DYNC2H1: variants seen among roughly 807,000 people sequenced by gnomAD.
DYNC2H1 encodes cytoplasmic dynein 2 heavy chain 1.
Under a neutral mutation model 570.0 loss-of-function variants are expected in DYNC2H1, and 410 were observed. The ratio of observed to expected loss-of-function variants is 0.72; its 90% CI spans 0.66 to 0.78. The LOEUF is 0.78. Ranked by LOEUF, DYNC2H1 falls within the 30% of genes least tolerant of loss-of-function variation. The probability of loss-of-function intolerance (pLI) is 0.00; values close to 1 mark genes in which losing one functional copy is unlikely to be tolerated. For missense variants in DYNC2H1, 4,865 were observed against 5,046.4 expected (o/e 0.96, Z 1.09); for synonymous variants, 1,688 against 1,677.6 (o/e 1.01, Z -0.15).
At chr11:103,276,523 G>T (rs559220194) in intron 70 of DYNC2H1, among the ~76,000 whole-genome samples, 1 of 151,720 alleles carries the variant, frequency 6.6e-6, no homozygotes, top group South Asian at 2.1e-4. Context: ...TTTAAAAAAC[G>T]CAAATGATAC....
intron 75 of DYNC2H1, among the ~76,000 whole-genome samples, chr11:103,290,437 C>A (rs1019551391): frequency 6.6e-6 from 1 of 152,160 alleles, no homozygotes; most frequent in Non-Finnish European, 1.5e-5. Context: ...TACCAGATAA[C>A]TTTTACTCAT....
chr11:103,198,153 G>A (rs1862574871), intron 48 of DYNC2H1, 90 bp downstream of exon 48: 1 of 1,394,248 alleles, frequency 7.2e-7, no homozygotes, highest in Non-Finnish European at 9.7e-7. Context: ...GCATGAATAT[G>A]ATAGATTGTA....
intron 63 of DYNC2H1, among the ~76,000 whole-genome samples, chr11:103,237,767 T>C (rs1864276608): frequency 6.6e-6 from 1 of 152,088 alleles, no homozygotes; most frequent in East Asian, 1.9e-4. Context: ...AATTCTTTTT[T>C]ATTCCATAAG....
chr11:103,191,858 C>T (rs184971479), intron 46 of DYNC2H1, among the ~76,000 whole-genome samples: 1 of 151,922 alleles, frequency 6.6e-6, no homozygotes, highest in Non-Finnish European at 1.5e-5. Context: ...ATTTAGTATA[C>T]TTTCTGGAAT....
chr11:103,346,510 C>T (rs1042608954), intron 82 of DYNC2H1, among the ~76,000 whole-genome samples: 2 of 152,016 alleles, frequency 1.3e-5, no homozygotes, highest in Non-Finnish European at 2.9e-5. Flanking sequence ...GTTCTAAGAC[C>T]GTTAGACAAA....
chr11:103,340,600 C>A (rs902557562), intron 82 of DYNC2H1, among the ~76,000 whole-genome samples: 3 of 152,076 alleles, frequency 2.0e-5, no homozygotes, highest in Non-Finnish European at 2.9e-5. Flanking sequence ...ATTCAAAGGC[C>A]TGTCACATTT....
Position 103,312,737 on chromosome 11 carries a change from A to T in DYNC2H1, c.11649+704A>T, listed in dbSNP as rs192050776. ...ATTAAAGTATTAAGAACAATTTGTGACCCATTATAAGCCCTCAATGAGTGT... is the reference window on the plus strand; with the variant it reads ...ATTAAAGTATTAAGAACAATTTGTGTCCCATTATAAGCCCTCAATGAGTGT... On this transcript the variant is annotated intron_variant, in intron 79 of 88. Coordinates refer to ENST00000375735, the MANE Select transcript of DYNC2H1 (RefSeq NM_001377.3). Among the ~76,000 whole-genome samples the T allele has an allele frequency of 9.7e-4, 148 of 152,178 alleles. No homozygotes were observed. The Middle Eastern group carries it at 0.014, about 14-fold the overall frequency.
intron 86 of DYNC2H1, among the ~76,000 whole-genome samples, chr11:103,455,551 C>T (rs1944759446): frequency 6.6e-6 from 1 of 152,022 alleles, no homozygotes; most frequent in Non-Finnish European, 1.5e-5. Flanking sequence ...TTTATCTATA[C>T]CTGTGCTGTC....
At chr11:103,474,459 G>A (rs1186481406) in intron 88 of DYNC2H1, among the ~76,000 whole-genome samples, 1 of 152,088 alleles carries the variant, frequency 6.6e-6, no homozygotes, top group Non-Finnish European at 1.5e-5. Flanking sequence ...AAATTTAATT[G>A]AAATTGGCCA....
chr11:103,114,385 G>C (rs1358848909), intron 3 of DYNC2H1, 147 bp downstream of exon 3: 4 of 968,144 alleles, frequency 4.1e-6, no homozygotes, highest in Non-Finnish European at 5.8e-6. Context: ...GATTTATGTG[G>C]ATGTAGAGAA....
chr11:103,133,492 A>G lies in DYNC2H1; in HGVS notation c.1954-63A>G. 1 of 1,476,342 alleles carries G rather than the reference A, an allele frequency of 6.8e-7. No individual in the cohort carries two copies. The highest frequency in any genetic ancestry group is 9.1e-7 in the Non-Finnish European group (1 of 1,098,664). The allele number at this position is 1,476,342 out of a possible 1,614,324, so 91.5% of individuals were successfully genotyped here. ...GGGATAGTTGAACTTTTGATATAGA[A>G]TATTGAAACTTTTGGAAAAAAGAAA... On this transcript the variant is annotated intron_variant, in intron 13 of 88. Transcript: ENST00000375735. This position sits in a 1 kb window ranked among gnomAD's most constrained non-coding sequence, Gnocchi z 4.8.
rs1321539414 is a variant in DYNC2H1 at position 103,244,375 on chromosome 11, AT to A, written c.9918+585del. On this transcript the variant is annotated intron_variant, in intron 64 of 88. Coordinates refer to ENST00000375735, the MANE Select transcript of DYNC2H1 (RefSeq NM_001377.3). The surrounding 1 kb of genome is among the most constrained non-coding windows in gnomAD (Gnocchi z 4.3). ...TATTATTTTGTTAAAGGAAGACCTAATATATGATTAATTTTCATAGATAATT... is the reference window on the plus strand; with the variant it reads ...TATTATTTTGTTAAAGGAAGACCTAAATATGATTAATTTTCATAGATAATT... 1.3e-5 allele frequency among the ~76,000 whole-genome samples: 2 copies of A among 151,912 alleles called. No homozygotes were observed. The highest frequency in any genetic ancestry group is 2.9e-5 in the Non-Finnish European group (2 of 67,906).
Position 103,468,652 on chromosome 11 carries a change from G to C in DYNC2H1, c.12712G>C (p.Asp4238His). The C allele has an allele frequency of 6.2e-7, 1 of 1,613,756 alleles. No individual in the cohort carries two copies. The highest frequency in any genetic ancestry group is 8.5e-7 in the Non-Finnish European group (1 of 1,179,742). ...AAATCAACTTTCTGAAAATCAGCTT[G>C]ATTCTCCCAGCGTGTCATCAGTGCT... ...DGNQLSENQL[D>H]SPSVSSVLPC... The change falls in exon 88 of 89, where the codon GAT becomes CAT. Residue 4238 changes from aspartate (D) to histidine (H), a missense_variant. Asp to His is a moderately conservative substitution (Grantham distance 81). Coordinates refer to ENST00000375735, the MANE Select transcript of DYNC2H1 (RefSeq NM_001377.3).
At chr11:103,165,256 T>A (rs1018881214) in intron 30 of DYNC2H1, among the ~76,000 whole-genome samples, 4 of 152,132 alleles carry the variant, frequency 2.6e-5, no homozygotes, top group African/African-American at 9.7e-5. Context: ...GCCTCCTAAG[T>A]AGCTAGAATT....
At chr11:103,159,141 T>A in intron 28 of DYNC2H1, 114 bp downstream of exon 28, 1 of 739,718 alleles carries the variant, frequency 1.4e-6, no homozygotes, top group Non-Finnish European at 2.2e-6. Context: ...TATACCCAAA[T>A]ACAGTTCCTG....
chr11:103,141,487 G>C (rs1859925926), intron 17 of DYNC2H1, among the ~76,000 whole-genome samples: 1 of 152,178 alleles, frequency 6.6e-6, no homozygotes, highest in Admixed American at 6.5e-5. Flanking sequence ...CTGTTTGCCT[G>C]GGTATCAGCA....
At position 103,209,878 on chromosome 11, in the gene DYNC2H1, A is replaced by G. The variant is rs1060501431; in HGVS notation, c.8457A>G (p.Ile2819Met). ...GTGATATTCTTTTTATGTTTTAGAT[A>G]CCTGAAATGTTATTCAGTGAAACAG... ...EGWSNSSMKK[I>M]PEMLFSETGG... The change falls in exon 53 of 89, where the codon ATA (isoleucine) becomes ATG (methionine). Residue 2819 changes from isoleucine to methionine, a missense_variant and splice_region_variant. Ile to Met is a conservative substitution (Grantham distance 10). Transcript: ENST00000375735. The surrounding 1 kb of genome is among the most constrained non-coding windows in gnomAD (Gnocchi z 4.2). 11 of 1,478,358 alleles carry G rather than the reference A, an allele frequency of 7.4e-6. No individual in the cohort carries two copies. Among genetic ancestry groups the G allele is most frequent in the Non-Finnish European group, 9.9e-6 (11 of 1,112,720 alleles). 91.6% of individuals were successfully genotyped at this position (1,478,358 alleles called of 1,614,324 possible). A position where few individuals can be genotyped will look rare whatever the true frequency, so the allele number is the denominator to read the frequency against.
In DYNC2H1 at chr11:103,177,199, TGGAGA is replaced by T. The variant is rs1183483467; in HGVS notation, c.5875-355_5875-351del. ...AAAATTAGCACTTTGCCCTCAGTTT[TGGAGA>T]GAAGTAAGATAAGAATGAATGAATG... On this transcript the variant is annotated intron_variant, in intron 37 of 88. Transcript: ENST00000375735. The surrounding 1 kb of genome is among the most constrained non-coding windows in gnomAD (Gnocchi z 4.4). Among the ~76,000 whole-genome samples, 1 of 152,104 alleles carries T rather than the reference TGGAGA, an allele frequency of 6.6e-6. No homozygotes were observed. Among genetic ancestry groups the T allele is most frequent in the African/African-American group, 2.4e-5 (1 of 41,414 alleles).
Position 103,399,885 on chromosome 11 carries a change from T to TA in DYNC2H1, c.12366+15dup, listed in dbSNP as rs772094595. The TA allele has an allele frequency of 4.3e-5, 68 of 1,594,226 alleles. No homozygotes were observed. The African/African-American group carries it at 8.3e-4, about 20-fold the overall frequency. ...ATTAAACCAAAAGGTAAGCGAGTAC[T>TA]AACTGTATGTATTTTTATTTCATTG... On this transcript the variant is annotated intron_variant, in intron 84 of 88. Coordinates refer to ENST00000375735, the MANE Select transcript of DYNC2H1 (RefSeq NM_001377.3).
Sources: gnomAD v4.1 joint callset for allele counts (sites outside exome capture counted in the v4.1 genomes callset) on GRCh38, gnomAD v4.1.1 for gene constraint, Gnocchi (gnomAD v3.1) non-coding constraint, MANE v1.5 for transcripts, NCBI Gene and HGNC (gene_info 2026-07-23, HGNC 2026-07-21) for gene names.